NPAS4: variants seen among roughly 807,000 people sequenced by gnomAD.
The protein encoded by NPAS4 is neuronal PAS domain protein 4.
A neutral mutation model predicts 64.0 loss-of-function variants in NPAS4; 10 were observed. The observed-to-expected ratio is 0.16, with a 90% CI of 0.10 to 0.26. The LOEUF is 0.26. Ranked by LOEUF, NPAS4 falls within the 10% of genes least tolerant of loss-of-function variation. The probability of loss-of-function intolerance (pLI) is 1.00; values close to 1 mark genes in which losing one functional copy is unlikely to be tolerated. For missense variants in NPAS4, 886 were observed against 992.6 expected, an observed-to-expected ratio of 0.89 and a Z score of 1.44; for synonymous variants, 441 against 411.7, an observed-to-expected ratio of 1.07 and a Z score of -0.86.
chr11:66,424,482 T>C lies in NPAS4; in HGVS notation c.1592T>C (p.Leu531Pro), dbSNP rs1254107163. 1 of 1,614,094 alleles carries C rather than the reference T, an allele frequency of 6.2e-7. No individual in the cohort carries two copies. ...EPLGSPAHEQ[L>P]TPPSTAFQAH... ...CTGGGCAGCCCTGCCCATGAACAGC[T>C]GACTCCTCCCAGCACAGCATTCCAA... The change falls in exon 7 of 8, where the codon CTG (leucine) becomes CCG (proline). Residue 531 changes from leucine to proline, a missense_variant. Leu to Pro is a moderately conservative substitution (Grantham distance 98). Transcript: ENST00000311034.
chr11:66,415,845 G>A, the NPAS4 span, among the ~76,000 whole-genome samples: 1 of 152,234 alleles, frequency 6.6e-6, no homozygotes, highest in Admixed American at 6.5e-5. Context: ...AGTCAAGGCT[G>A]GGTGTCGTGG....
chr11:66,412,120 G>A, the NPAS4 span, among the ~76,000 whole-genome samples: 78 of 152,368 alleles, frequency 5.1e-4, no homozygotes, highest in Non-Finnish European at 8.4e-4. Context: ...GGAGGTGCCA[G>A]CCTGGAGGAG....
At chr11:66,420,115 G>C (rs1051308782), upstream of NPAS4, among the ~76,000 whole-genome samples, 1 of 152,244 alleles carries the variant, frequency 6.6e-6, no homozygotes, top group Non-Finnish European at 1.5e-5. Context: ...CAGCAGGGCG[G>C]GGGGAAGCGC....
At chr11:66,415,995 C>T in the NPAS4 span, among the ~76,000 whole-genome samples, 8 of 152,038 alleles carry the variant, frequency 5.3e-5, no homozygotes, top group Admixed American at 2.0e-4. Context: ...CCCAGCTACT[C>T]GAGATCCTGA....
intron 1 of NPAS4, 93 bp from the exon 2 acceptor site, chr11:66,422,027 C>T (rs995409475): frequency 1.7e-6 from 2 of 1,186,862 alleles, no homozygotes; most frequent in African/African-American, 3.0e-5. Context: ...TGAGAAATTC[C>T]TCTGGATTCT....
intron 1 of NPAS4, 35 bp downstream of exon 1, chr11:66,421,389 C>T: frequency 6.2e-7 from 1 of 1,602,902 alleles, no homozygotes; most frequent in East Asian, 2.2e-5. Flanking sequence ...ATCCGAGCTG[C>T]CAGGCGCCGG....
Position 66,422,849 on chromosome 11 carries a change from TCCTGGC to T in NPAS4, c.623_628del (p.Gly208_Pro209del). ...CTCTGGAGCCGAGACCCCGCCCAGG[TCCTGGC>T]CCTGGCCCTGGCCCTGCCTCGCTCT... On this transcript the variant is annotated inframe_deletion, in exon 4 of 8. Coordinates refer to ENST00000311034, the MANE Select transcript of NPAS4 (RefSeq NM_178864.4). 1 of 1,613,564 alleles carries T rather than the reference TCCTGGC, an allele frequency of 6.2e-7. No individual in the cohort carries two copies. Among genetic ancestry groups the T allele is most frequent in the African/African-American group, 1.3e-5 (1 of 75,020 alleles).
At chr11:66,419,226 G>A (rs943225836), upstream of NPAS4, among the ~76,000 whole-genome samples, 2 of 152,094 alleles carry the variant, frequency 1.3e-5, no homozygotes, top group South Asian at 2.1e-4. Context: ...ACAGATAAGC[G>A]GACATCGTTC....
At position 66,426,623 on chromosome 11, in the gene NPAS4, C is replaced by T. The variant is rs1438690300; in HGVS notation, c.*634C>T. 1 of 153,020 alleles carries T rather than the reference C, an allele frequency of 6.5e-6. No homozygotes were observed. Among genetic ancestry groups the T allele is most frequent in the African/African-American group, 2.4e-5 (1 of 41,480 alleles). The allele number at this position is 153,020 out of a possible 1,614,324, so 9.5% of individuals were successfully genotyped here. ...GGGACTCACCCGGCCGCCAGACTGC[C>T]TGGGCCTGCCCAGATGGCCACCTCG... is the stretch of plus-strand genomic sequence containing the variant. On this transcript the variant is annotated 3_prime_UTR_variant, in exon 8 of 8. Coordinates refer to ENST00000311034, the MANE Select transcript of NPAS4 (RefSeq NM_178864.4).
Position 66,425,089 on chromosome 11 carries a change from A to G in NPAS4, c.2199A>G (p.Ala733=). Residue 733 remains alanine (A), a synonymous_variant, in exon 7 of 8, where the codon GCA becomes GCG. Coordinates refer to ENST00000311034, the MANE Select transcript of NPAS4 (RefSeq NM_178864.4). ...SEEWGSGDPE[A]EGPGGAPSPC... ...AATGGGGCTCAGGGGATCCTGAGGC[A>G]GAGGGCCCAGGAGGGGCCCCATCGC... 6.2e-7 allele frequency: 1 copy of G among 1,603,004 alleles called. No individual in the cohort carries two copies. Among genetic ancestry groups the G allele is most frequent in the Non-Finnish European group, 8.5e-7 (1 of 1,175,646 alleles).
chr11:66,424,558 C>T lies in NPAS4; in HGVS notation c.1668C>T (p.Asn556=), dbSNP rs1230477733. Residue 556 remains asparagine (N), a synonymous_variant, in exon 7 of 8, where the codon AAC becomes AAT. Transcript: ENST00000311034. The part of the protein sequence containing the change: ...SQTFPEQLSP[N]PTKTYFAQEG... The stretch of plus-strand genomic sequence containing the variant: ...CCTTCCCAGAGCAACTGAGCCCCAA[C>T]CCTACCAAGACTTACTTTGCCCAGG... 2 of 1,614,098 alleles carry T rather than the reference C, an allele frequency of 1.2e-6. No homozygotes were observed. The highest frequency in any genetic ancestry group is 2.2e-5 in the South Asian group (2 of 91,092).
rs756573371 is a variant in NPAS4, at chr11:66,422,531, C to T, written c.408C>T (p.Thr136=). 2 of 1,613,798 alleles carry T rather than the reference C, an allele frequency of 1.2e-6. No homozygotes were observed. The highest frequency in any genetic ancestry group is 1.3e-5 in the African/African-American group (1 of 74,898). The change falls in exon 3 of 8, where the codon ACC becomes ACT. Residue 136 remains threonine (T), a synonymous_variant. Transcript: ENST00000311034. ...ADHLTVRQQL[T]LPSALDTDRL... ...ACCTCACTGTGCGCCAGCAACTCAC[C>T]CTGCCCTCTGCCCTGGACACTGGTA...
chr11:66,426,148 G>A lies in NPAS4; in HGVS notation c.*159G>A. 1 of 509,446 alleles carries A rather than the reference G, an allele frequency of 2.0e-6. No individual in the cohort carries two copies. Among genetic ancestry groups the A allele is most frequent in the South Asian group, 2.2e-5 (1 of 45,530 alleles). The allele number at this position is 509,446 out of a possible 1,614,324, so 31.6% of individuals were successfully genotyped here. On this transcript the variant is annotated 3_prime_UTR_variant, in exon 8 of 8. Coordinates refer to ENST00000311034, the MANE Select transcript of NPAS4 (RefSeq NM_178864.4). ...GGATTTTGGGGGGGGGGAGGTGGGA[G>A]GGCAAGGGAGGGGAGCTTCTTTTTA...
chr11:66,423,130 A>G lies in NPAS4; in HGVS notation c.706A>G (p.Ile236Val). Residue 236 changes from isoleucine to valine, a missense_variant, in exon 5 of 8, where the codon ATC (isoleucine) becomes GTC (valine). Physicochemically the swap from Ile to Val is conservative, Grantham distance 29. This residue lies in a region of NPAS4 where 820 missense variants were observed against 855.5 expected (regional missense o/e 0.96). Transcript: ENST00000311034. Reference protein sequence around the residue: ...ALLDISESVLIYLGFERSELL... With the variant: ...ALLDISESVLVYLGFERSELL... The stretch of plus-strand genomic sequence containing the variant: ...CCCTTTCCACCTTCCCAGTGTCCTA[A>G]TCTACCTGGGCTTTGAGCGCAGTGA... 7 of 1,607,282 alleles carry G rather than the reference A, an allele frequency of 4.4e-6. No homozygotes were observed. The highest frequency in any genetic ancestry group is 6.0e-6 in the Non-Finnish European group (7 of 1,175,850).
chr11:66,412,518 C>T, the NPAS4 span, among the ~76,000 whole-genome samples: 2 of 152,220 alleles, frequency 1.3e-5, no homozygotes, highest in African/African-American at 4.8e-5. Context: ...CAGCCCCTGC[C>T]GTCTCTGCAT....
Position 66,424,217 on chromosome 11 carries a change from C to G in NPAS4, c.1327C>G (p.Pro443Ala). Residue 443 changes from proline to alanine, a missense_variant, in exon 7 of 8, where the codon CCC (proline) becomes GCC (alanine). Physicochemically the swap from Pro to Ala is conservative, Grantham distance 27. This residue lies in a region of NPAS4 where 820 missense variants were observed against 855.5 expected (regional missense o/e 0.96). Transcript: ENST00000311034. ...GCAFLFSLHE[P>A]FQTHLPTPSS... is the part of the protein sequence containing the mutation. ...TGCCTTCCTCTTCAGCCTCCATGAG[C>G]CCTTCCAGACCCATTTGCCCACCCC... The G allele has an allele frequency of 6.2e-7, 1 of 1,614,044 alleles. No individual in the cohort carries two copies. The highest frequency in any genetic ancestry group is 8.5e-7 in the Non-Finnish European group (1 of 1,180,004).
At chr11:66,421,033 G>T (rs549291035), upstream of NPAS4, 10 of 679,454 alleles carry the variant, frequency 1.5e-5, no homozygotes, top group Admixed American at 1.2e-4. Flanking sequence ...GGCAGGCGAG[G>T]GGGGCAGCGC....
upstream of NPAS4, among the ~76,000 whole-genome samples, chr11:66,418,197 C>A (rs938042019): frequency 1.3e-5 from 2 of 152,204 alleles, no homozygotes; most frequent in African/African-American, 4.8e-5. Context: ...CCACAGCCAG[C>A]AGGCTCTGAT....
rs1856814990 is a variant in NPAS4 at position 66,424,882 on chromosome 11, A to G, written c.1992A>G (p.Gly664=). ...AGTGGLEPLG[G]LEPLDSNLSL... ...CTGGCGGACTAGAGCCACTTGGAGG[A>G]CTGGAGCCCCTGGACTCCAACCTGT... The change falls in exon 7 of 8, where the codon GGA becomes GGG. Residue 664 remains glycine, a synonymous_variant. Transcript: ENST00000311034. 6.2e-7 allele frequency: 1 copy of G among 1,613,190 alleles called. No individual in the cohort carries two copies. The highest frequency in any genetic ancestry group is 8.5e-7 in the Non-Finnish European group (1 of 1,179,714).
Sources: allele counts gnomAD v4.1 joint callset (sites outside exome capture counted in the v4.1 genomes callset), GRCh38; gene constraint gnomAD v4.1.1; regional missense constraint gnomAD v4.1.1; transcripts MANE v1.5; gene names NCBI Gene and HGNC (gene_info 2026-07-23, HGNC 2026-07-21).